The following RBM39 variants were observed in gnomAD, a reference collection of about 807,000 sequenced individuals.
RBM39 encodes the protein RNA-binding protein 39.
In RBM39, 12 loss-of-function variants were observed where a neutral mutation model predicts 79.6. The observed-to-expected ratio is 0.15, with a 90% CI of 0.10 to 0.24. RBM39 has a LOEUF of 0.24. RBM39 is among the 10% of genes least tolerant of loss of function. The probability of loss-of-function intolerance (pLI) is 1.00; values close to 1 mark genes in which losing one functional copy is unlikely to be tolerated. For synonymous variants in RBM39, 185 were observed against 208.4 expected, an observed-to-expected ratio of 0.89 and a Z score of 0.97; for missense variants, 243 against 653.4, an observed-to-expected ratio of 0.37 and a Z score of 6.85.
intron 15 of RBM39, chr20:35,705,005 T>C: frequency 3.4e-6 from 2 of 588,820 alleles, no homozygotes; most frequent in South Asian, 4.3e-5. Flanking sequence ...ATGGCAAGCT[T>C]TGAGCATTAC....
intron 7 of RBM39, 147 bp downstream of exon 7, chr20:35,724,891 C>T (rs1473411482): frequency 5.0e-6 from 5 of 998,530 alleles, no homozygotes; most frequent in Non-Finnish European, 7.5e-6. Context: ...TTTGTAGTAA[C>T]ATTTATCAAC....
rs941118295 is a variant in RBM39 at position 35,725,663 on chromosome 20, T to C, written c.417-508A>G. ...TAATTCCCAAACCCATTTTCTTTTTTTTTTTTTTTTTTTTCCAGAGGAAGT... is the reference window on the plus strand; with the variant it reads ...TAATTCCCAAACCCATTTTCTTTTTCTTTTTTTTTTTTTTCCAGAGGAAGT... On this transcript the variant is annotated intron_variant, in intron 6 of 16. Transcript: ENST00000253363. Among the ~76,000 whole-genome samples, 197 of 140,242 alleles carry C rather than the reference T, an allele frequency of 1.4e-3. 2 individuals carry two copies. Among genetic ancestry groups the C allele is most frequent in the East Asian group, 4.0e-4 (2 of 4,994 alleles). The allele number at this position is 140,242 out of a possible 152,430, so 92.0% of individuals were successfully genotyped here.
intron 6 of RBM39, among the ~76,000 whole-genome samples, chr20:35,727,085 G>A (rs2038800255): frequency 6.6e-6 from 1 of 151,942 alleles, no homozygotes; most frequent in Admixed American, 6.6e-5. Flanking sequence ...GAGCCACCAC[G>A]CCAGGCACAA....
rs764823638 is a variant in RBM39 at position 35,716,836 on chromosome 20, TA to T, written c.826-32del. The T allele has an allele frequency of 1.9e-5, 28 of 1,488,892 alleles. No homozygotes were observed. The African/African-American group carries it at 2.9e-4, about 16-fold the overall frequency. The allele number at this position is 1,488,892 out of a possible 1,614,324, so 92.2% of individuals were successfully genotyped here. ...ATTGAAAAGCATAATTACTATAACT[TA>T]AAAGCAGAGTACAAAACTACTTTCT... On this transcript the variant is annotated intron_variant, in intron 9 of 16. Transcript: ENST00000253363.
At position 35,704,636 on chromosome 20, in the gene RBM39, A is replaced by G. The variant is rs374651599; in HGVS notation, c.1492+32T>C. 3.0e-5 allele frequency: 48 copies of G among 1,611,814 alleles called. No homozygotes were observed. In the East Asian group the frequency reaches 4.7e-4, roughly 16 times the overall value. On this transcript the variant is annotated intron_variant, in intron 16 of 16. Coordinates refer to ENST00000253363, the MANE Select transcript of RBM39 (RefSeq NM_184234.3). ...AGCATCTTCATTATAGAGCCTTAATAACAATCAGTCAAAAAATAAATTCAA... is the reference window on the plus strand; with the variant it reads ...AGCATCTTCATTATAGAGCCTTAATGACAATCAGTCAAAAAATAAATTCAA...
intron 9 of RBM39, among the ~76,000 whole-genome samples, chr20:35,717,785 TAC>T (rs2037338566): frequency 6.6e-6 from 1 of 152,066 alleles, no homozygotes; most frequent in Non-Finnish European, 1.5e-5. Context: ...AGGTGGACGC[TAC>T]ACAGTGAGCT....
intron 3 of RBM39, chr20:35,735,222 G>T: frequency 2.4e-6 from 3 of 1,247,098 alleles, no homozygotes; most frequent in South Asian, 2.1e-5. Context: ...TTAACGGAAT[G>T]GACGCTGATT....
At chr20:35,741,390 C>G (rs970401410) in intron 1 of RBM39, 2 of 153,818 alleles carry the variant, frequency 1.3e-5, no homozygotes, top group African/African-American at 4.8e-5. Flanking sequence ...CACTCGAAAA[C>G]TTAAGAAAAA....
intron 12 of RBM39, 66 bp from the exon 13 acceptor site, chr20:35,709,340 T>C: frequency 7.3e-7 from 1 of 1,361,080 alleles, no homozygotes; most frequent in South Asian, 1.3e-5. Context: ...AAAGCATTAA[T>C]AAAAGAGGAC....
chr20:35,719,275 ACC>A (rs2037585673), intron 9 of RBM39, among the ~76,000 whole-genome samples: 1 of 151,870 alleles, frequency 6.6e-6, no homozygotes, highest in South Asian at 2.1e-4. Context: ...CAAGTGATCC[ACC>A]CGACTCGGCC....
intron 12 of RBM39, among the ~76,000 whole-genome samples, chr20:35,711,520 T>C (rs887077136): frequency 3.5e-4 from 53 of 152,188 alleles, no homozygotes; most frequent in African/African-American, 1.2e-3. Flanking sequence ...CTGATTCTTG[T>C]AAGTATAAAC....
chr20:35,734,716 G>A, intron 3 of RBM39: 1 of 926,482 alleles, frequency 1.1e-6, no homozygotes, highest in Non-Finnish European at 1.4e-6. Flanking sequence ...GCAACCCCAG[G>A]CAGGTAAAAA....
At chr20:35,722,415 TAAAAATAAAAAA>T (rs1488816297) in intron 8 of RBM39, among the ~76,000 whole-genome samples, 3 of 84,346 alleles carry the variant, frequency 3.6e-5, no homozygotes, top group African/African-American at 4.8e-5. Flanking sequence ...TCAAAAAAAA[TAAAAATAAAAAA>T]AAAAATAAAA....
intron 3 of RBM39, 87 bp from the exon 4 acceptor site, chr20:35,732,222 T>C: frequency 3.2e-6 from 4 of 1,233,520 alleles, no homozygotes; most frequent in Non-Finnish European, 4.7e-6. Flanking sequence ...CATTTTTTCA[T>C]CCTTTCATAA....
rs1418134359 is a variant in RBM39, at chr20:35,713,105, G to C, written c.1097-9C>G. On this transcript the variant is annotated splice_polypyrimidine_tract_variant and intron_variant, in intron 11 of 16. Coordinates refer to ENST00000253363, the MANE Select transcript of RBM39 (RefSeq NM_184234.3). ...AATCTGCAAACCTGTACCTGTAAAA[G>C]AATAGTCTTAAAGTTCCTACTATGT... 10 of 1,611,352 alleles carry C rather than the reference G, an allele frequency of 6.2e-6. No individual in the cohort carries two copies. Among genetic ancestry groups the C allele is most frequent in the Non-Finnish European group, 7.6e-6 (9 of 1,178,438 alleles).
In RBM39 at chr20:35,708,131, G is replaced by A. The variant is rs141574378; in HGVS notation, c.1226-930C>T. Reference sequence around the variant, plus strand: ...ATAACTTTCTGGTAGCATTACAGGTGCTTTAGCTTCTCTGTAACATATAAG... The same window carrying A: ...ATAACTTTCTGGTAGCATTACAGGTACTTTAGCTTCTCTGTAACATATAAG... On this transcript the variant is annotated intron_variant, in intron 13 of 16. Transcript: ENST00000253363. 9.4e-4 allele frequency: 203 copies of A among 216,006 alleles called. 2 individuals carry two copies. In the East Asian group the frequency reaches 0.02, roughly 21 times the overall value. 13.4% of individuals were successfully genotyped at this position (216,006 alleles called of 1,614,324 possible). A position where few individuals can be genotyped will look rare whatever the true frequency, so the allele number is the denominator to read the frequency against.
chr20:35,736,371 C>T, intron 3 of RBM39: 2 of 289,672 alleles, frequency 6.9e-6, no homozygotes, highest in Non-Finnish European at 1.4e-5. Context: ...AAAAAAGGAG[C>T]ACATTTTCTA....
At chr20:35,736,311 C>T (rs1600636843) in intron 3 of RBM39, among the ~76,000 whole-genome samples, 1 of 152,088 alleles carries the variant, frequency 6.6e-6, no homozygotes, top group African/African-American at 2.4e-5. Context: ...CCCACAATTT[C>T]TTGTGATTGG....
chr20:35,722,956 T>C (rs1023890532), intron 8 of RBM39, among the ~76,000 whole-genome samples: 57 of 146,468 alleles, frequency 3.9e-4, no homozygotes, highest in Non-Finnish European at 6.3e-4. Context: ...AAAAAAAAAG[T>C]AAGCAGGCTA....
Sources: gnomAD v4.1 joint callset for allele counts (sites outside exome capture counted in the v4.1 genomes callset) on GRCh38, gnomAD v4.1.1 for gene constraint, MANE v1.5 for transcripts, NCBI Gene and HGNC (gene_info 2026-07-23, HGNC 2026-07-21) for gene names.